Variants in CDH18 observed in about 807,000 individuals in gnomAD.
CDH18 encodes the protein cadherin 18.
CDH18 carries 31 observed loss-of-function variants against 67.9 expected under a neutral mutation model. That is an observed-to-expected ratio of 0.46 (90% CI 0.34 to 0.62). The LOEUF is 0.62. CDH18 is among the 20% of genes least tolerant of loss of function. The pLI is 0.01. For synonymous variants in CDH18, 362 were observed against 347.2 expected (o/e 1.04, Z -0.48); for missense variants, 890 against 975.5 (o/e 0.91, Z 1.17).
intron 1 of CDH18, among the ~76,000 whole-genome samples, chr5:20,341,261 G>A (rs1740236632): frequency 6.6e-6 from 1 of 152,094 alleles, no homozygotes; most frequent in South Asian, 2.1e-4. Flanking sequence ...TTAATCGGGT[G>A]AGCACCATCA....
At chr5:19,958,880 G>A (rs1396359147) in intron 2 of CDH18, among the ~76,000 whole-genome samples, 1 of 152,040 alleles carries the variant, frequency 6.6e-6, no homozygotes, top group Admixed American at 6.6e-5. Context: ...CACTTCATCA[G>A]GTCATTGGTG....
At chr5:20,486,799 T>G (rs1317799127) in intron 1 of CDH18, among the ~76,000 whole-genome samples, 1 of 151,664 alleles carries the variant, frequency 6.6e-6, no homozygotes, top group Non-Finnish European at 1.5e-5. Flanking sequence ...TACTAAAATT[T>G]GTCAAAATTT....
intron 11 of CDH18, among the ~76,000 whole-genome samples, chr5:19,493,806 A>C (rs976134318): frequency 9.2e-5 from 14 of 151,978 alleles, no homozygotes. Flanking sequence ...TTCTTATTTC[A>C]TCTTATTGTC....
chr5:19,931,020 G>T (rs1793630833), intron 2 of CDH18, among the ~76,000 whole-genome samples: 1 of 151,850 alleles, frequency 6.6e-6, no homozygotes, highest in Non-Finnish European at 1.5e-5. Flanking sequence ...ACATGGGTTG[G>T]TTCACGATGT....
chr5:19,602,806 G>C (rs1366147371), intron 6 of CDH18, among the ~76,000 whole-genome samples: 1 of 151,722 alleles, frequency 6.6e-6, no homozygotes, highest in Non-Finnish European at 1.5e-5. Flanking sequence ...TCTACTAAAA[G>C]TACAAAAAAT....
chr5:20,334,853 A>G (rs1739581258), intron 1 of CDH18, among the ~76,000 whole-genome samples: 1 of 150,812 alleles, frequency 6.6e-6, no homozygotes, highest in Non-Finnish European at 1.5e-5. Context: ...GATACTCCAG[A>G]CTCCTCTCTT....
At chr5:20,569,128 G>A (rs1298940916) in intron 1 of CDH18, among the ~76,000 whole-genome samples, 7 of 152,176 alleles carry the variant, frequency 4.6e-5, no homozygotes, top group African/African-American at 1.4e-4. Context: ...GAGCAGTTCA[G>A]TGGGATGGCT....
intron 1 of CDH18, among the ~76,000 whole-genome samples, chr5:20,499,477 C>T (rs1196834406): frequency 2.0e-5 from 3 of 152,018 alleles, no homozygotes; most frequent in African/African-American, 7.2e-5. Context: ...GGGCTGACTG[C>T]GTAAAAACTG....
At position 19,650,599 on chromosome 5, in the gene CDH18, C is replaced by T. The variant is rs138865478; in HGVS notation, c.644-37998G>A. ...CTGTTGGATTTCCACAACAAGCAAG[C>T]GAAGCATATTTTCTCATGCCAATCC... On this transcript the variant is annotated intron_variant, in intron 5 of 12. Transcript: ENST00000382275. 3.3e-5 allele frequency among the ~76,000 whole-genome samples: 5 copies of T among 152,000 alleles called. 1 individual carries two copies. Among genetic ancestry groups the T allele is most frequent in the African/African-American group, 7.2e-5 (3 of 41,430 alleles).
At chr5:20,516,538 T>G (rs937652436) in intron 1 of CDH18, among the ~76,000 whole-genome samples, 1 of 151,966 alleles carries the variant, frequency 6.6e-6, no homozygotes, top group Non-Finnish European at 1.5e-5. Context: ...TTTATACATA[T>G]AAAATAAGGA....
chr5:20,000,102 T>C (rs1355590006), intron 2 of CDH18, among the ~76,000 whole-genome samples: 1 of 152,148 alleles, frequency 6.6e-6, no homozygotes, highest in Non-Finnish European at 1.5e-5. Context: ...GTAGGAAAAG[T>C]GTTCCTAGTT....
chr5:19,971,624 T>C (rs1268311276), intron 2 of CDH18, among the ~76,000 whole-genome samples: 1 of 151,962 alleles, frequency 6.6e-6, no homozygotes, highest in Non-Finnish European at 1.5e-5. Context: ...TTCTCACTTA[T>C]AAATGGGAGC....
intron 2 of CDH18, among the ~76,000 whole-genome samples, chr5:20,208,308 G>C (rs1380429128): frequency 6.6e-6 from 1 of 152,040 alleles, no homozygotes; most frequent in Non-Finnish European, 1.5e-5. Context: ...ACCAGCATGG[G>C]GGAAACTGCC....
At chr5:20,234,621 A>C (rs1336288552) in intron 2 of CDH18, among the ~76,000 whole-genome samples, 1 of 152,120 alleles carries the variant, frequency 6.6e-6, no homozygotes, top group Non-Finnish European at 1.5e-5. Flanking sequence ...CTGAACTGTG[A>C]AAAACAAATG....
At chr5:19,786,466 T>G (rs73057620) in intron 3 of CDH18, among the ~76,000 whole-genome samples, 2,087 of 152,264 alleles carry the variant, frequency 0.014, 43 homozygotes, top group African/African-American at 0.044. Context: ...ATTTTCTAAT[T>G]TATTAATGAG....
intron 10 of CDH18, among the ~76,000 whole-genome samples, chr5:19,513,954 G>A (rs1030323107): frequency 3.3e-5 from 5 of 151,794 alleles, no homozygotes; most frequent in South Asian, 2.1e-4. Flanking sequence ...CCATTAATTC[G>A]TCATTTACAT....
chr5:20,164,102 A>C (rs1736097247), intron 2 of CDH18, among the ~76,000 whole-genome samples: 1 of 152,228 alleles, frequency 6.6e-6, no homozygotes, highest in African/African-American at 2.4e-5. Context: ...ACAAGATTTA[A>C]ACCCTGGCTA....
At chr5:20,536,369 A>C (rs1756721468) in intron 1 of CDH18, among the ~76,000 whole-genome samples, 2 of 152,178 alleles carry the variant, frequency 1.3e-5, no homozygotes, top group Non-Finnish European at 2.9e-5. Flanking sequence ...AGGTGATAAG[A>C]ATGTCAATGC....
Position 20,483,473 on chromosome 5 carries a change from C to A in CDH18, c.-580+91989G>T, listed in dbSNP as rs565138876. ...TCAGAATAGCCAATGTTAACCTGAGCAAAATGAACAAAATTGGAAGAATCA... is the reference window on the plus strand; with the variant it reads ...TCAGAATAGCCAATGTTAACCTGAGAAAAATGAACAAAATTGGAAGAATCA... On this transcript the variant is annotated intron_variant, in intron 1 of 14. Coordinates refer to the CDH18 transcript ENST00000507958. 5.9e-5 allele frequency among the ~76,000 whole-genome samples: 9 copies of A among 151,804 alleles called. No individual in the cohort carries two copies. In the South Asian group the frequency reaches 1.7e-3, roughly 28 times the overall value.
Sources: allele counts gnomAD v4.1 joint callset (sites outside exome capture counted in the v4.1 genomes callset), GRCh38; gene constraint gnomAD v4.1.1; transcripts MANE v1.5; gene names NCBI Gene and HGNC (gene_info 2026-07-23, HGNC 2026-07-21).